PTPRD: variants seen among roughly 807,000 people sequenced by gnomAD.
The protein encoded by PTPRD is protein tyrosine phosphatase receptor type D, also known as receptor-type tyrosine-protein phosphatase delta.
PTPRD carries 34 observed loss-of-function variants against 214.5 expected under a neutral mutation model. The ratio of observed to expected loss-of-function variants is 0.16; its 90% CI spans 0.12 to 0.21. The LOEUF is 0.21. Ranked by LOEUF, PTPRD falls within the 10% of genes least tolerant of loss-of-function variation. PTPRD has a pLI of 1.00. For missense variants in PTPRD, 2,545 were observed against 2,398.7 expected (o/e 1.06, Z -1.27); for synonymous variants, 1,128 against 845.7 (o/e 1.33, Z -5.79).
chr9:8,558,206 G>C (rs371013893), intron 14 of PTPRD, among the ~76,000 whole-genome samples: 77 of 152,250 alleles, frequency 5.1e-4, no homozygotes, highest in African/African-American at 1.8e-3. Context: ...TTTCCTCCAG[G>C]ATCATTAATT....
At chr9:9,742,059 T>G (rs1273113933) in intron 6 of PTPRD, among the ~76,000 whole-genome samples, 1 of 152,216 alleles carries the variant, frequency 6.6e-6, no homozygotes, top group East Asian at 1.9e-4. Flanking sequence ...TGAACTAATT[T>G]AGACTCCCAC....
intron 11 of PTPRD, among the ~76,000 whole-genome samples, chr9:8,999,812 G>C (rs1225999316): frequency 1.3e-5 from 2 of 151,968 alleles, no homozygotes; most frequent in African/African-American, 4.8e-5. Context: ...CAGAAATGTA[G>C]ATTTCTATTT....
chr9:9,718,211 G>A (rs756558950), intron 7 of PTPRD, among the ~76,000 whole-genome samples: 1 of 152,172 alleles, frequency 6.6e-6, no homozygotes, highest in Non-Finnish European at 1.5e-5. Flanking sequence ...TCTTTTATAA[G>A]AGGAGATGGC....
intron 5 of PTPRD, among the ~76,000 whole-genome samples, chr9:9,845,669 A>C (rs888667679): frequency 6.6e-6 from 1 of 152,152 alleles, no homozygotes; most frequent in Middle Eastern, 3.4e-3. Flanking sequence ...AATAAACTTG[A>C]GGTAGAAAGA....
intron 8 of PTPRD, among the ~76,000 whole-genome samples, chr9:9,561,311 T>C (rs2082882947): frequency 6.6e-6 from 1 of 152,188 alleles, no homozygotes; most frequent in Non-Finnish European, 1.5e-5. Flanking sequence ...TTGATTGATG[T>C]CTGCCTGTGA....
At chr9:10,147,960 T>C (rs1026893025) in intron 3 of PTPRD, among the ~76,000 whole-genome samples, 2 of 152,182 alleles carry the variant, frequency 1.3e-5, no homozygotes, top group African/African-American at 4.8e-5. Context: ...TCTGAGCCCA[T>C]TAGAAAAGTG....
At chr9:9,497,582 G>C (rs2096247576) in intron 8 of PTPRD, among the ~76,000 whole-genome samples, 1 of 151,936 alleles carries the variant, frequency 6.6e-6, no homozygotes, top group African/African-American at 2.4e-5. Context: ...TTTTTATTTG[G>C]ACTGGTTTTG....
intron 4 of PTPRD, among the ~76,000 whole-genome samples, chr9:9,961,580 A>C (rs569047610): frequency 2.2e-4 from 34 of 152,236 alleles, no homozygotes; most frequent in Non-Finnish European, 4.7e-4. Flanking sequence ...TTAAATACTG[A>C]ATAAAGTATT....
chr9:9,969,295 C>T (rs985475723), intron 4 of PTPRD, among the ~76,000 whole-genome samples: 1 of 152,118 alleles, frequency 6.6e-6, no homozygotes, highest in Admixed American at 6.5e-5. Context: ...TGAACACTAG[C>T]AAGGACCAAG....
In PTPRD at chr9:9,002,628, T is replaced by C. The variant is rs562020592; in HGVS notation, c.-104+16069A>G. ...GTCTAATTTATATTACTTGATATTT[T>C]ATATGTAACTAGATTTCTTTTTTCC... is the stretch of plus-strand genomic sequence containing the variant. On this transcript the variant is annotated intron_variant, in intron 11 of 45. Transcript: ENST00000381196. Among the ~76,000 whole-genome samples the C allele has an allele frequency of 8.5e-5, 13 of 152,194 alleles. No individual in the cohort carries two copies. The South Asian group carries it at 2.5e-3, about 29-fold the overall frequency.
At chr9:8,757,434 C>T (rs12341159) in intron 11 of PTPRD, among the ~76,000 whole-genome samples, 7,653 of 151,748 alleles carry the variant, frequency 0.05, 481 homozygotes, top group African/African-American at 0.15. Context: ...ACTAATAAAT[C>T]GGCTATTTTA....
At chr9:9,072,237 C>G (rs1306784270) in intron 10 of PTPRD, among the ~76,000 whole-genome samples, 2 of 151,174 alleles carry the variant, frequency 1.3e-5, no homozygotes, top group Non-Finnish European at 2.9e-5. Flanking sequence ...GTTAGAATCT[C>G]AGAAAGAAAA....
Position 8,497,234 on chromosome 9 carries a change from T to G in PTPRD, c.2349+8A>C. 1 of 1,590,436 alleles carries G rather than the reference T, an allele frequency of 6.3e-7. No homozygotes were observed. Among genetic ancestry groups the G allele is most frequent in the Middle Eastern group, 1.7e-4 (1 of 6,022 alleles). ...CTGCTTTTGACAAAACAGTCAAAAATTACTCACATGTTCAGTAGTATCATC... is the reference window on the plus strand; with the variant it reads ...CTGCTTTTGACAAAACAGTCAAAAAGTACTCACATGTTCAGTAGTATCATC... On this transcript the variant is annotated splice_region_variant and intron_variant, in intron 26 of 45. Coordinates refer to ENST00000381196, the MANE Select transcript of PTPRD (RefSeq NM_002839.4).
intron 11 of PTPRD, among the ~76,000 whole-genome samples, chr9:8,927,835 G>C (rs2098913910): frequency 6.6e-6 from 1 of 152,158 alleles, no homozygotes; most frequent in African/African-American, 2.4e-5. Flanking sequence ...CAGTGTAAAA[G>C]CATTCCTATT....
intron 37 of PTPRD, among the ~76,000 whole-genome samples, chr9:8,385,395 G>A (rs948840440): frequency 6.6e-6 from 1 of 152,162 alleles, no homozygotes; most frequent in Admixed American, 6.6e-5. Context: ...GGTGGGTGCT[G>A]TGCACCTGTA....
At chr9:10,523,386 G>T (rs2053040291) in intron 2 of PTPRD, among the ~76,000 whole-genome samples, 1 of 151,440 alleles carries the variant, frequency 6.6e-6, no homozygotes, top group Middle Eastern at 3.4e-3. Flanking sequence ...CAAAGCAACT[G>T]TCCCAAGCAA....
chr9:8,424,456 C>T lies in PTPRD; in HGVS notation c.4086+12136G>A, dbSNP rs114930342. On this transcript the variant is annotated intron_variant, in intron 35 of 45. Transcript: ENST00000381196. ...AACATGGGGAGACTAACAGTACCTA[C>T]CTGGAAGGACTGAATGAGTTAATGT... is the stretch of plus-strand genomic sequence containing the variant. Among the ~76,000 whole-genome samples, 558 of 152,208 alleles carry T rather than the reference C, an allele frequency of 3.7e-3. 6 individuals are homozygous for T. Among genetic ancestry groups the T allele is most frequent in the Middle Eastern group, 0.02 (6 of 294 alleles).
intron 9 of PTPRD, among the ~76,000 whole-genome samples, chr9:9,190,404 A>C (rs10977557): frequency 0.26 from 39,576 of 151,884 alleles, 5,898 homozygotes; most frequent in Admixed American, 0.39. Context: ...CACGAGATCC[A>C]GTGGGTTTAT....
intron 11 of PTPRD, among the ~76,000 whole-genome samples, chr9:9,010,505 T>C (rs1360943835): frequency 6.6e-6 from 1 of 152,162 alleles, no homozygotes; most frequent in Non-Finnish European, 1.5e-5. Flanking sequence ...TATTAGAAGA[T>C]AAAAGGAAAG....
Sources: gnomAD v4.1 joint callset for allele counts (sites outside exome capture counted in the v4.1 genomes callset) on GRCh38, gnomAD v4.1.1 for gene constraint, MANE v1.5 for transcripts, NCBI Gene and HGNC (gene_info 2026-07-23, HGNC 2026-07-21) for gene names.